SLC19A1: variants seen among roughly 807,000 people sequenced by gnomAD.
SLC19A1 encodes reduced folate transporter.
In SLC19A1, 37 loss-of-function variants were observed where a neutral mutation model predicts 35.3. The ratio of observed to expected loss-of-function variants is 1.05; its 90% confidence interval spans 0.81 to 1.38. The LOEUF is 1.38. Among genes scored for constraint, SLC19A1 ranks in the 40% most tolerant of loss-of-function variants. The pLI, the probability that SLC19A1 is intolerant of heterozygous loss-of-function variation, is 0.00. For synonymous variants in SLC19A1, 460 were observed against 398.5 expected (o/e 1.15, Z -1.84); for missense variants, 831 against 826.9 (o/e 1.00, Z -0.06).
chr21:45,559,314 A>G (rs1193542717), intron 1 of SLC19A1, among the ~76,000 whole-genome samples: 2 of 152,186 alleles, frequency 1.3e-5, no homozygotes, highest in Non-Finnish European at 2.9e-5. Context: ...TCCTGGGTCC[A>G]TCAGGGAATT....
At chr21:45,558,086 T>C (rs1040904044) in intron 1 of SLC19A1, among the ~76,000 whole-genome samples, 1 of 152,208 alleles carries the variant, frequency 6.6e-6, no homozygotes, top group African/African-American at 2.4e-5. Context: ...GGCGGCATCG[T>C]CTCCAAGCCT....
chr21:45,543,172 A>G (rs1429049838), upstream of SLC19A1, among the ~76,000 whole-genome samples: 2 of 152,216 alleles, frequency 1.3e-5, no homozygotes, highest in East Asian at 3.9e-4. Flanking sequence ...GCGCAGTCAC[A>G]CTCAGGAAGG....
intron 5 of SLC19A1, among the ~76,000 whole-genome samples, chr21:45,524,053 A>G (rs2077519534): frequency 6.6e-6 from 1 of 152,044 alleles, no homozygotes. Flanking sequence ...TTGGAGACTC[A>G]CCTGTCCTGA....
rs762043015 is a variant in SLC19A1 at position 45,515,090 on chromosome 21, G to A, written c.*568C>T. On this transcript the variant is annotated 3_prime_UTR_variant, in exon 6 of 6. Coordinates refer to ENST00000311124, the MANE Select transcript of SLC19A1 (RefSeq NM_194255.4). ...CGCTGCTCCCCTCTGATGACAATGT[G>A]TCTGCCGCCAACCTGAGATGGCTTT... The A allele has an allele frequency of 3.8e-5, 59 of 1,546,370 alleles. 1 individual carries two copies. In the South Asian group the frequency reaches 7.0e-4, roughly 18 times the overall value.
chr21:45,518,121 TAACA>T lies in SLC19A1; in HGVS notation c.1294-1985_1294-1982del, dbSNP rs1363261734. Among the ~76,000 whole-genome samples the T allele has an allele frequency of 3.3e-5, 5 of 151,844 alleles. No individual in the cohort carries two copies. In the East Asian group the frequency reaches 9.7e-4, roughly 29 times the overall value. ...ACCATAAAAATGCTTCAGTGAACAA[TAACA>T]AACATGCTGGAAACAAATGAAAAAA... On this transcript the variant is annotated intron_variant, in intron 5 of 5. Transcript: ENST00000311124.
At chr21:45,510,031 G>T (rs1460859119), downstream of SLC19A1, 16 of 1,537,450 alleles carry the variant, frequency 1.0e-5, no homozygotes, top group Non-Finnish European at 1.3e-5. Context: ...GGCAGCGTGG[G>T]ACACAGCCCG....
chr21:45,504,497 C>CT, intron 3 of SLC19A1: 1 of 1,516,400 alleles, frequency 6.6e-7, no homozygotes, highest in Non-Finnish European at 8.8e-7. Context: ...CGGCTCCAGC[C>CT]TGCCCGGCCC....
intron 1 of SLC19A1, among the ~76,000 whole-genome samples, chr21:45,562,124 T>C (rs62214335): frequency 0.42 from 56,291 of 133,118 alleles, 11,588 homozygotes; most frequent in African/African-American, 0.49. Context: ...ATCAAGACTC[T>C]GTCTCAAAAA....
intron 1 of SLC19A1, among the ~76,000 whole-genome samples, chr21:45,558,180 G>A (rs1384443089): frequency 2.0e-5 from 3 of 152,230 alleles, no homozygotes; most frequent in Non-Finnish European, 4.4e-5. Flanking sequence ...CTCTCTAGTC[G>A]GACTCCACAC....
At chr21:45,505,375 C>G in intron 3 of SLC19A1, 1 of 1,593,756 alleles carries the variant, frequency 6.3e-7, no homozygotes, top group Non-Finnish European at 8.6e-7. Flanking sequence ...CGTTCCCGGC[C>G]CTCCGGGCCC....
At chr21:45,510,972 AACAC>A, downstream of SLC19A1, 2 of 8,008 alleles carry the variant, frequency 2.5e-4, 1 homozygote, top group East Asian at 9.4e-3. Context: ...TACACCCCCA[AACAC>A]CCCCCACACC....
At chr21:45,551,681 C>T (rs1279498032) in intron 1 of SLC19A1, among the ~76,000 whole-genome samples, 1 of 152,176 alleles carries the variant, frequency 6.6e-6, no homozygotes, top group African/African-American at 2.4e-5. Context: ...TTTTGAGCTT[C>T]GATTTGTGGC....
rs767587226 is a variant in SLC19A1, at chr21:45,525,866, GTGA to G, written c.1241_1243del (p.Ile414del). 3 of 1,613,630 alleles carry G rather than the reference GTGA, an allele frequency of 1.9e-6. No homozygotes were observed. The highest frequency in any genetic ancestry group is 2.5e-6 in the Non-Finnish European group (3 of 1,179,992). ...GCCCCGCACGTCCGAGACAATGAAA[GTGA>G]TGATGGTCTTGACGATGGTGGCAAA... On this transcript the variant is annotated inframe_deletion, in exon 5 of 6. Transcript: ENST00000311124.
chr21:45,515,224 A>C lies in SLC19A1; in HGVS notation c.*434T>G. The C allele has an allele frequency of 2.0e-6, 3 of 1,511,984 alleles. No individual in the cohort carries two copies. The highest frequency in any genetic ancestry group is 2.6e-6 in the Non-Finnish European group (3 of 1,139,790). The allele number at this position is 1,511,984 out of a possible 1,614,324, so 93.7% of individuals were successfully genotyped here. A position where few individuals can be genotyped will look rare whatever the true frequency, so the allele number is the denominator to read the frequency against. On this transcript the variant is annotated 3_prime_UTR_variant, in exon 6 of 6. Transcript: ENST00000311124. ...CACCAAGGATGACCAGCAATGTCAC[A>C]GCTCAGCTACACCTGAGGGTCCCGG...
intron 3 of SLC19A1, 47 bp from the exon 4 acceptor site, chr21:45,531,018 G>A: frequency 3.0e-6 from 4 of 1,332,458 alleles, no homozygotes; most frequent in Non-Finnish European, 3.9e-6. Flanking sequence ...GGGGGCCACG[G>A]GGCAGGGGGA....
chr21:45,535,833 C>T (rs2078093854), intron 2 of SLC19A1, among the ~76,000 whole-genome samples: 1 of 152,272 alleles, frequency 6.6e-6, no homozygotes, highest in Admixed American at 6.5e-5. Flanking sequence ...CGTGGAACGT[C>T]TCTCAAGTCA....
chr21:45,515,166 A>C lies in SLC19A1; in HGVS notation c.*492T>G, dbSNP rs1309725540. 1.6e-6 allele frequency: 2 copies of C among 1,257,508 alleles called. No homozygotes were observed. The highest frequency in any genetic ancestry group is 2.1e-6 in the Non-Finnish European group (2 of 947,462). 77.9% of individuals were successfully genotyped at this position (1,257,508 alleles called of 1,614,324 possible). ...CAGTTCTTCATTCTACGTCAGTTAA[A>C]AAAAAAAAAAGCATCTTTCAAAAAA... On this transcript the variant is annotated 3_prime_UTR_variant, in exon 6 of 6. Transcript: ENST00000311124.
upstream of SLC19A1, among the ~76,000 whole-genome samples, chr21:45,546,116 A>G (rs2078412821): frequency 6.6e-6 from 1 of 152,238 alleles, no homozygotes; most frequent in Non-Finnish European, 1.5e-5. Flanking sequence ...GCCTCCCAGC[A>G]CTAGCCCCAA....
upstream of SLC19A1, among the ~76,000 whole-genome samples, chr21:45,546,604 G>GA (rs1260066977): frequency 6.6e-6 from 1 of 152,242 alleles, no homozygotes; most frequent in East Asian, 1.9e-4. Flanking sequence ...CTTTACTAGG[G>GA]AAAGGGGGAG....
Sources: gnomAD v4.1 joint callset for allele counts (sites outside exome capture counted in the v4.1 genomes callset) on GRCh38, gnomAD v4.1.1 for gene constraint, MANE v1.5 for transcripts, NCBI Gene and HGNC (gene_info 2026-07-23, HGNC 2026-07-21) for gene names.